GMDS: variants seen among roughly 807,000 people sequenced by gnomAD.
The protein encoded by GMDS is GDP-mannose 4,6-dehydratase, also known as GDP-mannose 4,6 dehydratase.
Under a neutral mutation model 49.9 loss-of-function variants are expected in GMDS, and 20 were observed. That is an observed-to-expected ratio of 0.40 (90% CI 0.28 to 0.58). GMDS has a LOEUF of 0.58. Among genes scored for constraint, GMDS ranks in the 20% least tolerant of loss-of-function variants. The probability of loss-of-function intolerance (pLI) is 0.42; values close to 1 mark genes in which losing one functional copy is unlikely to be tolerated. For synonymous variants in GMDS, 177 were observed against 178.6 expected (o/e 0.99, Z 0.07); for missense variants, 362 against 481.4 (o/e 0.75, Z 2.32).
chr6:1,636,027 G>A (rs527289965), intron 9 of GMDS, among the ~76,000 whole-genome samples: 1 of 152,270 alleles, frequency 6.6e-6, no homozygotes, highest in Admixed American at 6.5e-5. Flanking sequence ...AGAGGACTAG[G>A]AGACGACAGA....
chr6:2,122,828 C>G (rs141203051), intron 2 of GMDS, among the ~76,000 whole-genome samples: 451 of 152,326 alleles, frequency 3.0e-3, no homozygotes, highest in Middle Eastern at 0.017. Flanking sequence ...TAGTGTCAAC[C>G]ATGTTTCCTT....
At chr6:1,962,465 A>C (rs149435738) in intron 4 of GMDS, among the ~76,000 whole-genome samples, 3 of 152,284 alleles carry the variant, frequency 2.0e-5, no homozygotes, top group African/African-American at 7.2e-5. Flanking sequence ...ATTTTGAAGA[A>C]CTACCAGACC....
chr6:2,214,679 A>G (rs1443351544), intron 1 of GMDS, among the ~76,000 whole-genome samples: 2 of 151,960 alleles, frequency 1.3e-5, no homozygotes, highest in Non-Finnish European at 2.9e-5. Context: ...TTTTACATAA[A>G]TTTTCTTTCT....
At chr6:2,166,833 C>T (rs151003499) in intron 1 of GMDS, among the ~76,000 whole-genome samples, 39 of 152,294 alleles carry the variant, frequency 2.6e-4, no homozygotes, top group Admixed American at 1.6e-3. Context: ...ACCTTGCCAG[C>T]CTGTCACACC....
chr6:2,007,900 G>A (rs561850500), intron 4 of GMDS, among the ~76,000 whole-genome samples: 33 of 152,042 alleles, frequency 2.2e-4, no homozygotes, highest in Non-Finnish European at 4.1e-4. Context: ...AGTGCTAAAG[G>A]GTATATTCTT....
chr6:1,998,325 G>C (rs114751454), intron 4 of GMDS, among the ~76,000 whole-genome samples: 1 of 151,910 alleles, frequency 6.6e-6, no homozygotes, highest in Non-Finnish European at 1.5e-5. Context: ...ACAAACTCCT[G>C]GTAGAGTTTC....
intron 7 of GMDS, among the ~76,000 whole-genome samples, chr6:1,895,518 T>C (rs1178785349): frequency 6.6e-6 from 1 of 152,232 alleles, no homozygotes; most frequent in Non-Finnish European, 1.5e-5. Context: ...TTCATGTGCA[T>C]AGGCCACACT....
chr6:2,065,825 G>A (rs1185354937), intron 4 of GMDS, among the ~76,000 whole-genome samples: 1 of 152,162 alleles, frequency 6.6e-6, no homozygotes, highest in Non-Finnish European at 1.5e-5. Flanking sequence ...GGGGAGAATG[G>A]AACCAAGTTG....
intron 4 of GMDS, among the ~76,000 whole-genome samples, chr6:2,016,087 T>A (rs201008591): frequency 1.8e-4 from 24 of 134,736 alleles, no homozygotes; most frequent in Middle Eastern, 3.8e-3. Context: ...AAAAATAAAT[T>A]AAAAAAAAAA....
chr6:2,166,941 C>G (rs1001536538), intron 1 of GMDS, among the ~76,000 whole-genome samples: 2 of 152,320 alleles, frequency 1.3e-5, no homozygotes, highest in South Asian at 4.1e-4. Context: ...CTGAAATAGG[C>G]CAAGGAAAAT....
chr6:1,708,579 T>A (rs1388242492), intron 9 of GMDS, among the ~76,000 whole-genome samples: 1 of 152,196 alleles, frequency 6.6e-6, no homozygotes, highest in African/African-American at 2.4e-5. Context: ...ATCAAATGGT[T>A]TAGATCTTGG....
chr6:1,730,651 C>T (rs959158864), intron 8 of GMDS, among the ~76,000 whole-genome samples: 8 of 152,138 alleles, frequency 5.3e-5, no homozygotes, highest in Admixed American at 4.6e-4. Flanking sequence ...GCCCACCACA[C>T]AGCTCTCTGT....
intron 7 of GMDS, among the ~76,000 whole-genome samples, chr6:1,880,055 GA>G (rs1267043278): frequency 6.6e-6 from 1 of 151,978 alleles, no homozygotes; most frequent in African/African-American, 2.4e-5. Flanking sequence ...AAATGATGAT[GA>G]ATATTTCTTA....
Position 1,980,425 on chromosome 6 carries a change from C to G in GMDS, c.346-19459G>C, listed in dbSNP as rs562251897. On this transcript the variant is annotated intron_variant, in intron 4 of 10. Transcript: ENST00000380815. ...TCTGACAAAACAGACTTTAAACCAA[C>G]AAAGATTAAAAAAAAAAAAGACAAA... 6.9e-3 allele frequency among the ~76,000 whole-genome samples: 747 copies of G among 107,988 alleles called. 6 individuals carry two copies. The highest frequency in any genetic ancestry group is 0.021 in the African/African-American group (724 of 35,008). 70.8% of individuals were successfully genotyped at this position (107,988 alleles called of 152,430 possible).
chr6:2,203,765 A>G (rs2127578228), intron 1 of GMDS, among the ~76,000 whole-genome samples: 1 of 152,364 alleles, frequency 6.6e-6, no homozygotes, highest in East Asian at 1.9e-4. Context: ...ACAGGTGGGT[A>G]CATTTTAGTA....
intron 9 of GMDS, among the ~76,000 whole-genome samples, chr6:1,665,573 A>AG (rs1321528156): frequency 6.6e-6 from 1 of 152,106 alleles, no homozygotes; most frequent in Admixed American, 6.5e-5. Context: ...TTTCCTACCC[A>AG]TTTGGGTAGG....
intron 4 of GMDS, among the ~76,000 whole-genome samples, chr6:2,000,404 A>T (rs556976569): frequency 3.4e-4 from 52 of 152,042 alleles, no homozygotes; most frequent in Non-Finnish European, 6.8e-4. Context: ...TAATCATTCC[A>T]AAAGAAACTA....
At chr6:2,166,106 G>T (rs1436239654) in intron 1 of GMDS, among the ~76,000 whole-genome samples, 1 of 152,128 alleles carries the variant, frequency 6.6e-6, no homozygotes, top group Non-Finnish European at 1.5e-5. Context: ...CAAAAAAGAA[G>T]CAAGAAAACA....
chr6:2,111,136 C>T (rs1398013675), intron 4 of GMDS, among the ~76,000 whole-genome samples: 1 of 152,122 alleles, frequency 6.6e-6, no homozygotes, highest in Non-Finnish European at 1.5e-5. Context: ...ATCGAAAATC[C>T]GGACAGCAAT....
Sources: allele counts gnomAD v4.1 joint callset (sites outside exome capture counted in the v4.1 genomes callset), GRCh38; gene constraint gnomAD v4.1.1; transcripts MANE v1.5; gene names NCBI Gene and HGNC (gene_info 2026-07-23, HGNC 2026-07-21).